FHIT: variants seen among roughly 807,000 people sequenced by gnomAD.
The protein encoded by FHIT is fragile histidine triad diadenosine triphosphatase.
Under a neutral mutation model 17.9 loss-of-function variants are expected in FHIT, and 19 were observed. That is an observed-to-expected ratio of 1.06 (90% confidence interval 0.74 to 1.56). The LOEUF (loss-of-function observed/expected upper bound fraction) is 1.56, where lower values mean the gene tolerates loss of function less well. FHIT is among the 40% of genes most tolerant of loss of function. FHIT has a pLI of 0.00. For missense variants in FHIT, 248 were observed against 189.2 expected (o/e 1.31, Z -1.82); for synonymous variants, 81 against 69.7 (o/e 1.16, Z -0.81).
At chr3:60,718,018 C>A (rs1322118531) in intron 4 of FHIT, among the ~76,000 whole-genome samples, 1 of 152,118 alleles carries the variant, frequency 6.6e-6, no homozygotes, top group African/African-American at 2.4e-5. Flanking sequence ...CCATAGTTTT[C>A]TGTTGTTATA....
intron 2 of FHIT, among the ~76,000 whole-genome samples, chr3:61,120,522 G>T (rs2106919950): frequency 6.6e-6 from 1 of 152,186 alleles, no homozygotes; most frequent in South Asian, 2.1e-4. Context: ...ATCATCCCTT[G>T]GCAGTCTCAG....
rs570938175 is a variant in FHIT, at chr3:60,520,623, C to G, written c.103+16237G>C. On this transcript the variant is annotated intron_variant, in intron 5 of 9. Coordinates refer to ENST00000492590, the MANE Select transcript of FHIT (RefSeq NM_002012.4). ...GAATTGTTGGTAGTCTCAATGACCC[C>G]AGGATTGCAGAGATGCTTCACTTTC... 5.9e-5 allele frequency among the ~76,000 whole-genome samples: 9 copies of G among 151,764 alleles called. No homozygotes were observed. The East Asian group carries it at 1.7e-3, about 29-fold the overall frequency.
intron 4 of FHIT, among the ~76,000 whole-genome samples, chr3:60,719,546 A>G (rs570844425): frequency 1.4e-4 from 21 of 152,240 alleles, no homozygotes; most frequent in African/African-American, 5.1e-4. Context: ...ATCTGAAGTT[A>G]TTTCTCTTCT....
At chr3:60,480,290 A>T (rs1343826044) in intron 5 of FHIT, among the ~76,000 whole-genome samples, 1 of 152,286 alleles carries the variant, frequency 6.6e-6, no homozygotes, top group Non-Finnish European at 1.5e-5. Context: ...CTCTCCCTCA[A>T]CATCTGGGGA....
chr3:61,038,165 T>C (rs2033345812), intron 3 of FHIT, among the ~76,000 whole-genome samples: 1 of 152,254 alleles, frequency 6.6e-6, no homozygotes, highest in Non-Finnish European at 1.5e-5. Context: ...GTCTGTTACC[T>C]GCCAAAACCA....
At chr3:60,110,251 A>G (rs1704613260) in intron 5 of FHIT, among the ~76,000 whole-genome samples, 2 of 152,204 alleles carry the variant, frequency 1.3e-5, no homozygotes, top group African/African-American at 4.8e-5. Context: ...ATCATGTAAT[A>G]TACTAACATT....
At chr3:60,055,118 C>G (rs1329943112) in intron 5 of FHIT, among the ~76,000 whole-genome samples, 2 of 152,088 alleles carry the variant, frequency 1.3e-5, no homozygotes, top group Non-Finnish European at 2.9e-5. Flanking sequence ...TATCTTTTTG[C>G]TACACCTCAT....
At chr3:59,933,669 A>T (rs1706083824) in intron 7 of FHIT, among the ~76,000 whole-genome samples, 1 of 152,136 alleles carries the variant, frequency 6.6e-6, no homozygotes, top group Non-Finnish European at 1.5e-5. Context: ...GTTTGGAACC[A>T]TCCAGCTTTA....
chr3:61,041,375 A>T lies in FHIT; in HGVS notation c.-111+672T>A, dbSNP rs905551259. On this transcript the variant is annotated intron_variant, in intron 3 of 9. Transcript: ENST00000492590. ...CTGGTGACAGAGCCTGGCTCCATCT[A>T]AAAAAAAAAAAAAATTTACAAGACT... Among the ~76,000 whole-genome samples, 5 of 142,386 alleles carry T rather than the reference A, an allele frequency of 3.5e-5. No individual in the cohort carries two copies. In the South Asian group the frequency reaches 6.8e-4, roughly 19 times the overall value. 93.4% of individuals were successfully genotyped at this position (142,386 alleles called of 152,430 possible).
At chr3:61,243,926 C>G (rs1483122417) in intron 1 of FHIT, 1 of 152,162 alleles carries the variant, frequency 6.6e-6, no homozygotes, top group Non-Finnish European at 1.5e-5. Flanking sequence ...TGTGATGACG[C>G]TTTTCTTTCA....
intron 5 of FHIT, among the ~76,000 whole-genome samples, chr3:60,154,846 T>C (rs1431439772): frequency 6.6e-6 from 1 of 152,100 alleles, no homozygotes; most frequent in African/African-American, 2.4e-5. Context: ...AAAGCAGAAA[T>C]ATCATACTAA....
intron 4 of FHIT, among the ~76,000 whole-genome samples, chr3:60,786,069 T>C (rs1459862677): frequency 6.6e-6 from 1 of 152,228 alleles, no homozygotes; most frequent in Admixed American, 6.5e-5. Flanking sequence ...TGAATTAGTA[T>C]TGAAATCAGA....
chr3:60,219,206 G>A (rs1053210830), intron 5 of FHIT, among the ~76,000 whole-genome samples: 1 of 151,966 alleles, frequency 6.6e-6, no homozygotes, highest in Non-Finnish European at 1.5e-5. Flanking sequence ...GATTTTTCTG[G>A]CAAATTCTGG....
intron 3 of FHIT, among the ~76,000 whole-genome samples, chr3:60,914,520 A>G (rs1706908615): frequency 6.6e-6 from 1 of 152,084 alleles, no homozygotes; most frequent in Non-Finnish European, 1.5e-5. Context: ...TTTCAAAAAA[A>G]AAAAAGGTCC....
Position 61,029,077 on chromosome 3 carries a change from A to C in FHIT, c.-111+12970T>G, listed in dbSNP as rs2032881396. On this transcript the variant is annotated intron_variant, in intron 3 of 9. Coordinates refer to ENST00000492590, the MANE Select transcript of FHIT (RefSeq NM_002012.4). ...TCCTCATGCTCTTCTGAGAAAAACG[A>C]AACAAAATCAGGCTTTTAAGATGAT... 2.0e-5 allele frequency among the ~76,000 whole-genome samples: 3 copies of C among 152,118 alleles called. No individual in the cohort carries two copies. In the South Asian group the frequency reaches 6.2e-4, roughly 32 times the overall value.
chr3:60,034,418 G>C (rs918031272), intron 5 of FHIT, among the ~76,000 whole-genome samples: 1 of 152,130 alleles, frequency 6.6e-6, no homozygotes, highest in Admixed American at 6.5e-5. Context: ...TTATCTGTAG[G>C]CAAGAAGATG....
intron 4 of FHIT, among the ~76,000 whole-genome samples, chr3:60,574,960 T>C (rs1345362653): frequency 6.6e-6 from 1 of 151,810 alleles, no homozygotes; most frequent in Admixed American, 6.6e-5. Context: ...TCTGAGCTTC[T>C]TGAGGTTGGG....
intron 5 of FHIT, among the ~76,000 whole-genome samples, chr3:60,521,287 T>A (rs541513082): frequency 1.3e-5 from 2 of 151,916 alleles, no homozygotes; most frequent in South Asian, 2.1e-4. Context: ...TTGCTCTGTC[T>A]CCCAGGCTGG....
intron 3 of FHIT, among the ~76,000 whole-genome samples, chr3:61,039,420 T>C (rs1371418460): frequency 6.6e-6 from 1 of 152,158 alleles, no homozygotes; most frequent in Non-Finnish European, 1.5e-5. Flanking sequence ...TGTATTTTGC[T>C]CCCTTGTGCC....
Sources: gnomAD v4.1 joint callset for allele counts (sites outside exome capture counted in the v4.1 genomes callset) on GRCh38, gnomAD v4.1.1 for gene constraint, MANE v1.5 for transcripts, NCBI Gene and HGNC (gene_info 2026-07-23, HGNC 2026-07-21) for gene names.